Variants in FMN2 observed in about 807,000 individuals in gnomAD.
FMN2 encodes the protein formin 2.
Under a neutral mutation model 142.3 loss-of-function variants are expected in FMN2, and 51 were observed. That is an observed-to-expected ratio of 0.36 (90% confidence interval 0.29 to 0.45). The LOEUF is 0.45. Among genes scored for constraint, FMN2 ranks in the 20% least tolerant of loss-of-function variants. The pLI is 1.00. For synonymous variants in FMN2, 882 were observed against 869.8 expected, an observed-to-expected ratio of 1.01 and a Z score of -0.25; for missense variants, 1,936 against 2,122.8, an observed-to-expected ratio of 0.91 and a Z score of 1.73.
At chr1:240,195,202 G>A (rs972641308) in intron 4 of FMN2, among the ~76,000 whole-genome samples, 24 of 152,134 alleles carry the variant, frequency 1.6e-4, no homozygotes, top group African/African-American at 4.3e-4. Flanking sequence ...TCACAAACAC[G>A]CTCCAAGTGG....
chr1:240,213,881 T>C (rs373995625), intron 6 of FMN2, among the ~76,000 whole-genome samples: 35 of 152,354 alleles, frequency 2.3e-4, no homozygotes, highest in African/African-American at 8.2e-4. Flanking sequence ...ACGTTTTCAG[T>C]GTGATAATAG....
intron 15 of FMN2, among the ~76,000 whole-genome samples, chr1:240,431,674 A>G (rs1170281391): frequency 6.6e-6 from 1 of 151,406 alleles, no homozygotes; most frequent in Non-Finnish European, 1.5e-5. Flanking sequence ...TCCTTTTTGT[A>G]ATAATAAACT....
At chr1:240,124,157 A>T (rs1662407306) in intron 2 of FMN2, among the ~76,000 whole-genome samples, 1 of 152,172 alleles carries the variant, frequency 6.6e-6, no homozygotes, top group Non-Finnish European at 1.5e-5. Context: ...TGCCGCTATG[A>T]ACATGAGGTA....
intron 14 of FMN2, among the ~76,000 whole-genome samples, chr1:240,358,710 G>A (rs982945138): frequency 3.9e-5 from 6 of 152,126 alleles, no homozygotes; most frequent in African/African-American, 7.2e-5. Context: ...TCATAAGAAC[G>A]GCATGGAGAA....
intron 14 of FMN2, among the ~76,000 whole-genome samples, chr1:240,382,593 G>A (rs1398849150): frequency 2.0e-5 from 3 of 151,860 alleles, no homozygotes; most frequent in East Asian, 1.9e-4. Flanking sequence ...CCCAGGAGGC[G>A]GGGGTTGCAG....
intron 1 of FMN2, among the ~76,000 whole-genome samples, chr1:240,121,847 G>A (rs542841838): frequency 2.7e-5 from 4 of 148,886 alleles, no homozygotes; most frequent in African/African-American, 7.5e-5. Context: ...CCTTTTCTGG[G>A]TGACTTATTT....
intron 7 of FMN2, among the ~76,000 whole-genome samples, chr1:240,288,925 C>T (rs1013153796): frequency 2.0e-5 from 3 of 152,004 alleles, no homozygotes; most frequent in Non-Finnish European, 2.9e-5. Context: ...CAGATGAGAC[C>T]GTAGCCCCCG....
rs192767159 is a variant in FMN2, at chr1:240,296,283, T to C, written c.4215+1400T>C. ...CCATAGCACGATATAGTCAGTGCTA[T>C]TGGGAAGTGTGATATGAGAGATGTC... On this transcript the variant is annotated intron_variant, in intron 8 of 17. Coordinates refer to ENST00000319653, the MANE Select transcript of FMN2 (RefSeq NM_020066.5). Among the ~76,000 whole-genome samples the C allele has an allele frequency of 2.6e-5, 4 of 151,550 alleles. No homozygotes were observed. In the East Asian group the frequency reaches 7.8e-4, roughly 30 times the overall value.
At chr1:240,293,228 C>T (rs1669851453) in intron 7 of FMN2, among the ~76,000 whole-genome samples, 1 of 152,060 alleles carries the variant, frequency 6.6e-6, no homozygotes, top group Admixed American at 6.6e-5. Context: ...CAAAGGACAA[C>T]TGTGTACTTT....
chr1:240,394,731 C>T (rs1367581262), intron 15 of FMN2, among the ~76,000 whole-genome samples: 1 of 152,036 alleles, frequency 6.6e-6, no homozygotes, highest in African/African-American at 2.4e-5. Flanking sequence ...ACTTTCGGAG[C>T]CCAAGACGGG....
Position 240,205,651 on chromosome 1 carries a change from C to A in FMN2, c.1987-1148C>A, listed in dbSNP as rs142984596. On this transcript the variant is annotated intron_variant, in intron 4 of 17. Transcript: ENST00000319653. ...TAATTTTTTGTATTTTTAGTAGAGA[C>A]GGGGTTTCACTGTGTTAGCCAGGAT... is the stretch of plus-strand genomic sequence containing the variant. Among the ~76,000 whole-genome samples, 363 of 151,456 alleles carry A rather than the reference C, an allele frequency of 2.4e-3. 1 individual carries two copies. The highest frequency in any genetic ancestry group is 3.3e-3 in the Non-Finnish European group (227 of 67,804).
intron 15 of FMN2, among the ~76,000 whole-genome samples, chr1:240,426,043 G>C (rs548263069): frequency 1.2e-4 from 19 of 152,168 alleles, no homozygotes; most frequent in African/African-American, 4.6e-4. Flanking sequence ...CTCATAGATG[G>C]GAAATAACTA....
chr1:240,449,477 T>C (rs961549227), intron 16 of FMN2, among the ~76,000 whole-genome samples: 3 of 152,180 alleles, frequency 2.0e-5, no homozygotes, highest in Admixed American at 1.3e-4. Context: ...AGGCAGACAA[T>C]ACTAGAGACA....
intron 14 of FMN2, among the ~76,000 whole-genome samples, chr1:240,363,837 T>C (rs1050352536): frequency 3.3e-4 from 50 of 152,134 alleles, no homozygotes; most frequent in African/African-American, 1.2e-3. Context: ...CCAGCCTGCT[T>C]CCTGCCTGAT....
chr1:240,159,342 T>G (rs1572001034), intron 2 of FMN2, among the ~76,000 whole-genome samples: 1 of 152,164 alleles, frequency 6.6e-6, no homozygotes, highest in Non-Finnish European at 1.5e-5. Context: ...ATTTGAGAGA[T>G]ATTCTCCATT....
intron 2 of FMN2, among the ~76,000 whole-genome samples, chr1:240,135,070 G>A (rs183936397): frequency 6.6e-6 from 1 of 152,182 alleles, no homozygotes; most frequent in African/African-American, 2.4e-5. Context: ...CTCTCTGTGT[G>A]TATGTGTGCA....
chr1:240,359,761 A>G (rs1300891698), intron 14 of FMN2, among the ~76,000 whole-genome samples: 4 of 152,216 alleles, frequency 2.6e-5, no homozygotes, highest in Non-Finnish European at 5.9e-5. Flanking sequence ...TCCTTGAGAG[A>G]ATTGAGAATA....
chr1:240,152,720 C>A (rs77608864), intron 2 of FMN2, among the ~76,000 whole-genome samples: 3,200 of 152,246 alleles, frequency 0.021, 103 homozygotes, highest in African/African-American at 0.073. Flanking sequence ...ATTTCTGGAA[C>A]CTTTGCTGCT....
At chr1:240,122,080 ATTT>A (rs1306681407) in intron 1 of FMN2, among the ~76,000 whole-genome samples, 11 of 145,972 alleles carry the variant, frequency 7.5e-5, no homozygotes, top group Non-Finnish European at 1.7e-4. Flanking sequence ...TAATTAATTT[ATTT>A]ATTTATTTAT....
Sources: allele counts gnomAD v4.1 joint callset (sites outside exome capture counted in the v4.1 genomes callset), GRCh38; gene constraint gnomAD v4.1.1; transcripts MANE v1.5; gene names NCBI Gene and HGNC (gene_info 2026-07-23, HGNC 2026-07-21).